The following LRRC49 variants were observed in gnomAD, a reference collection of about 807,000 sequenced individuals.
LRRC49 encodes leucine rich repeat containing 49, also known as leucine-rich repeat-containing protein 49.
In LRRC49, 50 loss-of-function variants were observed where a neutral mutation model predicts 83.3. The observed-to-expected ratio is 0.60, with a 90% CI of 0.48 to 0.76. The LOEUF is 0.76. Ranked by LOEUF, LRRC49 falls within the 30% of genes least tolerant of loss-of-function variation. The probability of loss-of-function intolerance (pLI) is 0.00; values close to 1 mark genes in which losing one functional copy is unlikely to be tolerated. For synonymous variants in LRRC49, 286 were observed against 283.3 expected (o/e 1.01, Z -0.10); for missense variants, 704 against 809.1 (o/e 0.87, Z 1.58).
At chr15:71,045,274 A>G (rs2039821052) in intron 15 of LRRC49, among the ~76,000 whole-genome samples, 1 of 152,194 alleles carries the variant, frequency 6.6e-6, no homozygotes, top group Non-Finnish European at 1.5e-5. Flanking sequence ...AATTTCAAAC[A>G]TACAGCAAAG....
chr15:70,962,448 A>G (rs1180011565), intron 8 of LRRC49, among the ~76,000 whole-genome samples: 1 of 152,152 alleles, frequency 6.6e-6, no homozygotes, highest in African/African-American at 2.4e-5. Flanking sequence ...CACAGTAGCA[A>G]GAAGTACACT....
At chr15:70,871,873 G>A (rs1595971736) in intron 1 of LRRC49, among the ~76,000 whole-genome samples, 1 of 151,684 alleles carries the variant, frequency 6.6e-6, no homozygotes. Context: ...CTTCCTAGAC[G>A]GGATGGTGGC....
At chr15:71,011,851 G>A (rs1442354833) in intron 13 of LRRC49, among the ~76,000 whole-genome samples, 1 of 152,124 alleles carries the variant, frequency 6.6e-6, no homozygotes, top group Non-Finnish European at 1.5e-5. Flanking sequence ...GAAAATGCCT[G>A]TGAAGAGTAT....
At position 71,052,538 on chromosome 15, in the gene LRRC49, C is replaced by A. The variant is rs2040006947; in HGVS notation, c.*2926C>A. ...TGAAGGCCTGGCATGTAAGACAGTG[C>A]AACCCTACCATGCTCCTGATCTATT... On this transcript the variant is annotated 3_prime_UTR_variant, in exon 16 of 16. Transcript: ENST00000260382. 6.6e-6 allele frequency: 1 copy of A among 152,178 alleles called. No homozygotes were observed. 9.4% of individuals were successfully genotyped at this position (152,178 alleles called of 1,614,324 possible).
intron 11 of LRRC49, among the ~76,000 whole-genome samples, chr15:70,991,606 A>G (rs905003436): frequency 1.3e-5 from 2 of 152,174 alleles, no homozygotes; most frequent in Non-Finnish European, 2.9e-5. Flanking sequence ...TTTTTCGGAT[A>G]TTTTTGATCC....
Position 71,052,062 on chromosome 15 carries a change from G to A in LRRC49, c.*2450G>A, listed in dbSNP as rs2040001701. ...TCATTTTGCGTTCTGAAGTTCCTTG[G>A]TGAAGATAATCCCCAGATAAAAAGA... On this transcript the variant is annotated 3_prime_UTR_variant, in exon 16 of 16. Transcript: ENST00000260382. 6.6e-6 allele frequency: 1 copy of A among 152,194 alleles called. No individual in the cohort carries two copies. The highest frequency in any genetic ancestry group is 1.5e-5 in the Non-Finnish European group (1 of 68,062). The allele number at this position is 152,194 out of a possible 1,614,324, so 9.4% of individuals were successfully genotyped here. A position where few individuals can be genotyped will look rare whatever the true frequency, so the allele number is the denominator to read the frequency against.
chr15:70,858,864 T>C lies in LRRC49; in HGVS notation c.-299+5395T>C, dbSNP rs2032716266. On this transcript the variant is annotated intron_variant, in intron 1 of 16. Transcript: ENST00000544974. ...GCAGCAGCTTCTGGGGTGGCCTGGG[T>C]GGAGGCTGGGTGGTGGGGCCAGTGG... is the stretch of plus-strand genomic sequence containing the variant. The C allele has an allele frequency of 1.2e-5, 9 of 765,740 alleles. No individual in the cohort carries two copies. In the South Asian group the frequency reaches 1.3e-4, roughly 11 times the overall value. The allele number at this position is 765,740 out of a possible 1,614,324, so 47.4% of individuals were successfully genotyped here.
At chr15:71,007,847 T>C (rs1448806964) in intron 11 of LRRC49, among the ~76,000 whole-genome samples, 1 of 151,136 alleles carries the variant, frequency 6.6e-6, no homozygotes, top group Admixed American at 6.6e-5. Flanking sequence ...GTATACACTT[T>C]AAAAATTTCA....
Position 70,907,825 on chromosome 15 carries a change from T to A in LRRC49, c.500+3070T>A, listed in dbSNP as rs192957035. 27 of 382,088 alleles carry A rather than the reference T, an allele frequency of 7.1e-5. No homozygotes were observed. The East Asian group carries it at 1.7e-3, about 24-fold the overall frequency. The allele number at this position is 382,088 out of a possible 1,614,324, so 23.7% of individuals were successfully genotyped here. A position where few individuals can be genotyped will look rare whatever the true frequency, so the allele number is the denominator to read the frequency against. On this transcript the variant is annotated intron_variant, in intron 5 of 15. Coordinates refer to ENST00000260382, the MANE Select transcript of LRRC49 (RefSeq NM_017691.5). The stretch of plus-strand genomic sequence containing the variant: ...GTTTCTATTCAATGGAAGAACTTCT[T>A]TTTTAAATAAATCTTTCAGGTCACA...
upstream of LRRC49, among the ~76,000 whole-genome samples, chr15:70,891,424 G>A (rs747629547): frequency 1.3e-5 from 2 of 152,132 alleles, no homozygotes; most frequent in Non-Finnish European, 2.9e-5. Context: ...ACACAAATAA[G>A]GGACTTTCCT....
intron 11 of LRRC49, among the ~76,000 whole-genome samples, chr15:70,994,722 G>T (rs998519762): frequency 5.9e-5 from 9 of 152,166 alleles, no homozygotes; most frequent in African/African-American, 2.2e-4. Context: ...TGATCTGCCT[G>T]CCTTGACCTC....
At chr15:70,988,733 G>A (rs1284061865) in intron 11 of LRRC49, among the ~76,000 whole-genome samples, 8 of 152,046 alleles carry the variant, frequency 5.3e-5, no homozygotes, top group South Asian at 2.1e-4. Context: ...TCCTAGTCTC[G>A]ATGGCCTTTA....
In LRRC49 at chr15:71,015,641, C is replaced by T. The variant is rs749838311; in HGVS notation, c.1703+2728C>T. On this transcript the variant is annotated intron_variant, in intron 14 of 15. Coordinates refer to ENST00000260382, the MANE Select transcript of LRRC49 (RefSeq NM_017691.5). ...AAGCCCCAGGCTGTGGACTAGGGCT[C>T]GGGAACCCCTGATATACAGCATAGC... Among the ~76,000 whole-genome samples, 39 of 152,208 alleles carry T rather than the reference C, an allele frequency of 2.6e-4. 1 individual carries two copies. Among genetic ancestry groups the T allele is most frequent in the Middle Eastern group, 6.8e-3 (2 of 294 alleles).
chr15:70,965,314 A>C (rs1338290051), intron 9 of LRRC49, among the ~76,000 whole-genome samples: 2 of 152,144 alleles, frequency 1.3e-5, no homozygotes, highest in African/African-American at 4.8e-5. Flanking sequence ...GGCAGAAACC[A>C]TTCTTCTTTC....
chr15:71,034,317 A>G (rs1280756777), intron 14 of LRRC49, among the ~76,000 whole-genome samples: 3 of 152,232 alleles, frequency 2.0e-5, no homozygotes, highest in African/African-American at 7.2e-5. Context: ...AGAAATGCAA[A>G]TCAAACCTCA....
intron 9 of LRRC49, among the ~76,000 whole-genome samples, chr15:70,967,671 T>G (rs1028103512): frequency 6.6e-6 from 1 of 152,158 alleles, no homozygotes; most frequent in South Asian, 2.1e-4. Context: ...ATAAAGGACC[T>G]GATAGTAAAT....
intron 1 of LRRC49, among the ~76,000 whole-genome samples, chr15:70,861,665 G>A (rs2032793066): frequency 1.3e-5 from 2 of 152,112 alleles, no homozygotes; most frequent in Non-Finnish European, 2.9e-5. Flanking sequence ...AAATTGTTTT[G>A]ACACATACTT....
exon 2 of LRRC49, chr15:70,872,919 C>T (rs2033080231): frequency 4.8e-6 from 1 of 210,352 alleles, no homozygotes; most frequent in Non-Finnish European, 9.4e-6. Flanking sequence ...TGGAGTCTCA[C>T]TCTGTCGCCT....
At chr15:70,854,025 T>C in intron 1 of LRRC49, 1 of 1,453,942 alleles carries the variant, frequency 6.9e-7, no homozygotes, top group South Asian at 1.3e-5. Flanking sequence ...GCCTCCTGGA[T>C]GGCGACGCGG....
Sources: allele counts gnomAD v4.1 joint callset (sites outside exome capture counted in the v4.1 genomes callset), GRCh38; gene constraint gnomAD v4.1.1; transcripts MANE v1.5; gene names NCBI Gene and HGNC (gene_info 2026-07-23, HGNC 2026-07-21).